The following RBPJ variants were observed in gnomAD, a reference collection of about 807,000 sequenced individuals.
The protein encoded by RBPJ is recombining binding protein suppressor of hairless.
A neutral mutation model predicts 67.8 loss-of-function variants in RBPJ; 9 were observed. The ratio of observed to expected loss-of-function variants is 0.13; its 90% CI spans 0.08 to 0.23. RBPJ has a LOEUF of 0.23. Ranked by LOEUF, RBPJ falls within the 10% of genes least tolerant of loss-of-function variation. RBPJ has a pLI of 1.00. For synonymous variants in RBPJ, 198 were observed against 203.3 expected (o/e 0.97, Z 0.22); for missense variants, 305 against 595.6 (o/e 0.51, Z 5.08).
chr4:26,369,932 TTGCTGTACATTC>T (rs1444023659), intron 1 of RBPJ, among the ~76,000 whole-genome samples: 4 of 152,202 alleles, frequency 2.6e-5, no homozygotes, highest in Non-Finnish European at 5.9e-5. Flanking sequence ...ACCAAAGAGT[TTGCTGTACATTC>T]TGCCTGTAAA....
Position 26,347,711 on chromosome 4 carries a change from G to C in RBPJ, c.20+26663G>C, listed in dbSNP as rs186350805. On this transcript the variant is annotated intron_variant, in intron 1 of 10. Transcript: ENST00000355476. ...AGAGCTTTGAAGATGGAATAGGCTC[G>C]ATAGGTTTAGATGCTTATTGGAAGG... 3.9e-5 allele frequency among the ~76,000 whole-genome samples: 6 copies of C among 152,212 alleles called. No homozygotes were observed. The East Asian group carries it at 1.2e-3, about 29-fold the overall frequency.
chr4:26,207,902 T>G (rs1355793507), intron 1 of RBPJ, among the ~76,000 whole-genome samples: 1 of 152,140 alleles, frequency 6.6e-6, no homozygotes, highest in African/African-American at 2.4e-5. Context: ...CAGAGACTTG[T>G]TGTGGCAGCA....
chr4:26,152,002 G>C, the RBPJ span, among the ~76,000 whole-genome samples: 16 of 152,154 alleles, frequency 1.1e-4, no homozygotes, highest in Non-Finnish European at 2.9e-5. Flanking sequence ...ATGGCAAACT[G>C]GGAGCAGAAG....
At chr4:26,191,311 AT>A (rs921557186) in intron 1 of RBPJ, among the ~76,000 whole-genome samples, 1 of 144,768 alleles carries the variant, frequency 6.9e-6, no homozygotes, top group African/African-American at 2.6e-5. Context: ...TGATTTTTTG[AT>A]TTTTTTATAT....
In RBPJ at chr4:26,308,621, G is replaced by A. The variant is rs144006395; in HGVS notation, c.-166-53825G>A. On this transcript the variant is annotated intron_variant, in intron 1 of 4. Transcript: ENST00000512351. Reference sequence around the variant, plus strand: ...TAGTCAGCTGTCTTTCACAAAGCTAGGTACTTAACAAGATGTGAATTGTTT... The same window carrying A: ...TAGTCAGCTGTCTTTCACAAAGCTAAGTACTTAACAAGATGTGAATTGTTT... 3.2e-4 allele frequency among the ~76,000 whole-genome samples: 49 copies of A among 152,332 alleles called. 3 individuals are homozygous for A. The highest frequency in any genetic ancestry group is 1.1e-3 in the African/African-American group (46 of 41,586).
At chr4:26,191,208 T>G (rs371650603) in intron 1 of RBPJ, among the ~76,000 whole-genome samples, 2,219 of 26,782 alleles carry the variant, frequency 0.083, 36 homozygotes, top group Middle Eastern at 0.13. Context: ...TATATATATA[T>G]ATAGAGAGAG....
At chr4:26,393,108 A>G (rs948374956) in intron 2 of RBPJ, among the ~76,000 whole-genome samples, 1 of 152,150 alleles carries the variant, frequency 6.6e-6, no homozygotes, top group African/African-American at 2.4e-5. Context: ...TGGCTTCCCA[A>G]GGTGCTGGGA....
intron 1 of RBPJ, among the ~76,000 whole-genome samples, chr4:26,273,682 CT>C (rs1473648287): frequency 6.6e-6 from 1 of 152,222 alleles, no homozygotes; most frequent in East Asian, 1.9e-4. Flanking sequence ...CCTGGGAGCT[CT>C]TTTCACTCAA....
At chr4:26,300,181 T>A (rs1722029097) in intron 1 of RBPJ, among the ~76,000 whole-genome samples, 1 of 152,090 alleles carries the variant, frequency 6.6e-6, no homozygotes, top group Non-Finnish European at 1.5e-5. Context: ...GGGAGCCTTG[T>A]TTCTTCCTGC....
At chr4:26,195,463 A>G (rs1717723036) in intron 1 of RBPJ, among the ~76,000 whole-genome samples, 1 of 152,174 alleles carries the variant, frequency 6.6e-6, no homozygotes, top group South Asian at 2.1e-4. Context: ...TGTCTCAAAT[A>G]ATAATAATGA....
At chr4:26,130,304 T>C in the RBPJ span, among the ~76,000 whole-genome samples, 1 of 152,240 alleles carries the variant, frequency 6.6e-6, no homozygotes, top group Non-Finnish European at 1.5e-5. Context: ...GAGTGCTCAC[T>C]GCCCATCCTC....
In RBPJ at chr4:26,392,112, A is replaced by G. The variant is rs186961482; in HGVS notation, c.59+5721A>G. Among the ~76,000 whole-genome samples the G allele has an allele frequency of 1.9e-3, 295 of 152,330 alleles. 1 individual carries two copies. Among genetic ancestry groups the G allele is most frequent in the Middle Eastern group, 6.8e-3 (2 of 294 alleles). ...CAACATAGGAATTTTGGGGGGACACATACACTTTTTAGCAGTTAGATACTA... is the reference window on the plus strand; with the variant it reads ...CAACATAGGAATTTTGGGGGGACACGTACACTTTTTAGCAGTTAGATACTA... On this transcript the variant is annotated intron_variant, in intron 2 of 10. Coordinates refer to ENST00000355476, the MANE Select transcript of RBPJ (RefSeq NM_015874.6).
intron 1 of RBPJ, among the ~76,000 whole-genome samples, chr4:26,255,416 A>AAG: frequency 6.7e-6 from 1 of 148,642 alleles, no homozygotes; most frequent in East Asian, 2.0e-4. Flanking sequence ...AAAAAAAAAA[A>AAG]AAAAAAAAAA....
chr4:26,169,121 C>T (rs960951470), intron 1 of RBPJ, among the ~76,000 whole-genome samples: 10 of 152,290 alleles, frequency 6.6e-5, no homozygotes, highest in African/African-American at 1.7e-4. Flanking sequence ...TGAGGAACTG[C>T]GTTCCTTTGG....
intron 3 of RBPJ, among the ~76,000 whole-genome samples, chr4:26,410,492 G>A (rs1733911306): frequency 6.6e-6 from 1 of 152,142 alleles, no homozygotes; most frequent in Non-Finnish European, 1.5e-5. Context: ...TTTATCTAGA[G>A]CTTTCTTGAA....
chr4:26,156,869 A>G, the RBPJ span, among the ~76,000 whole-genome samples: 1 of 151,358 alleles, frequency 6.6e-6, no homozygotes, highest in Non-Finnish European at 1.5e-5. Context: ...CAGGAATTGG[A>G]GGCCAGCCTG....
At chr4:26,159,464 C>A (rs1202935169), upstream of RBPJ, among the ~76,000 whole-genome samples, 1 of 152,158 alleles carries the variant, frequency 6.6e-6, no homozygotes, top group Non-Finnish European at 1.5e-5. Flanking sequence ...CTCCAGCTAC[C>A]AAGATGTCTC....
chr4:26,396,473 A>C (rs1732129118), intron 2 of RBPJ, among the ~76,000 whole-genome samples: 1 of 152,250 alleles, frequency 6.6e-6, no homozygotes, highest in Non-Finnish European at 1.5e-5. Context: ...CTTGCCTTTG[A>C]TTGTCAGCAC....
intron 1 of RBPJ, among the ~76,000 whole-genome samples, chr4:26,326,246 C>T (rs1723617658): frequency 6.6e-6 from 1 of 151,556 alleles, no homozygotes; most frequent in Admixed American, 6.6e-5. Context: ...GCTGAAGTAC[C>T]CAGAGGAATT....
Sources: allele counts gnomAD v4.1 joint callset (sites outside exome capture counted in the v4.1 genomes callset), GRCh38; gene constraint gnomAD v4.1.1; transcripts MANE v1.5; gene names NCBI Gene and HGNC (gene_info 2026-07-23, HGNC 2026-07-21).